TMEM132D: variants seen among roughly 807,000 people sequenced by gnomAD.
The protein encoded by TMEM132D is mature OL transmembrane protein.
In TMEM132D, 21 loss-of-function variants were observed where a neutral mutation model predicts 62.3. That is an observed-to-expected ratio of 0.34 (90% CI 0.24 to 0.49). The LOEUF (loss-of-function observed/expected upper bound fraction) is 0.49. TMEM132D is among the 20% of genes least tolerant of loss of function. The pLI is 0.99. For missense variants in TMEM132D, 1,346 were observed against 1,402.8 expected, an observed-to-expected ratio of 0.96 and a Z score of 0.65; for synonymous variants, 621 against 575.6, an observed-to-expected ratio of 1.08 and a Z score of -1.13.
chr12:129,321,311 T>A (rs539912056), intron 4 of TMEM132D, among the ~76,000 whole-genome samples: 52 of 152,336 alleles, frequency 3.4e-4, no homozygotes, highest in African/African-American at 1.2e-3. Context: ...ATGGGGTCAT[T>A]GTGACATTAT....
At chr12:129,351,354 T>G (rs147621181) in intron 3 of TMEM132D, among the ~76,000 whole-genome samples, 4 of 152,234 alleles carry the variant, frequency 2.6e-5, no homozygotes, top group African/African-American at 9.6e-5. Context: ...GCACCTACAA[T>G]CAGTATCCAG....
intron 1 of TMEM132D, among the ~76,000 whole-genome samples, chr12:129,797,453 T>C (rs1565988832): frequency 6.6e-6 from 1 of 152,218 alleles, no homozygotes; most frequent in Non-Finnish European, 1.5e-5. Context: ...CCTGCCGGGC[T>C]CAGCCTTCCC....
intron 1 of TMEM132D, among the ~76,000 whole-genome samples, chr12:129,774,570 C>A (rs1449423952): frequency 6.6e-6 from 1 of 152,062 alleles, no homozygotes; most frequent in Non-Finnish European, 1.5e-5. Flanking sequence ...AGTGAGGGAG[C>A]CAACTGTAAC....
chr12:129,422,572 T>C (rs1872358536), intron 3 of TMEM132D, among the ~76,000 whole-genome samples: 4 of 152,216 alleles, frequency 2.6e-5, no homozygotes, highest in Admixed American at 1.3e-4. Context: ...TAAATTAGTG[T>C]CTTGCCAACA....
At chr12:129,397,886 A>G (rs930584105) in intron 3 of TMEM132D, among the ~76,000 whole-genome samples, 2 of 152,204 alleles carry the variant, frequency 1.3e-5, no homozygotes, top group African/African-American at 2.4e-5. Flanking sequence ...AAAAACTCAC[A>G]GGCAGAGGCA....
chr12:129,417,664 C>T (rs1178090915), intron 3 of TMEM132D, among the ~76,000 whole-genome samples: 1 of 152,146 alleles, frequency 6.6e-6, no homozygotes, highest in African/African-American at 2.4e-5. Flanking sequence ...TACTAAAACA[C>T]CAAAAGCAAT....
intron 1 of TMEM132D, among the ~76,000 whole-genome samples, chr12:129,841,893 C>A (rs530518672): frequency 6.7e-6 from 1 of 150,326 alleles, no homozygotes; most frequent in African/African-American, 2.4e-5. Flanking sequence ...TGAGCACCTC[C>A]TAAGAGCCAG....
chr12:129,622,331 G>A (rs925570808), intron 2 of TMEM132D, among the ~76,000 whole-genome samples: 1 of 152,194 alleles, frequency 6.6e-6, no homozygotes, highest in African/African-American at 2.4e-5. Context: ...GACAGTGGGC[G>A]CGTATGGGGC....
At chr12:129,795,160 TAC>T (rs1871527327) in intron 1 of TMEM132D, among the ~76,000 whole-genome samples, 1 of 152,210 alleles carries the variant, frequency 6.6e-6, no homozygotes, top group African/African-American at 2.4e-5. Flanking sequence ...CCATTTGAAT[TAC>T]AGTTTCTTTC....
intron 5 of TMEM132D, among the ~76,000 whole-genome samples, chr12:129,208,370 G>A (rs896449830): frequency 1.3e-5 from 2 of 152,196 alleles, no homozygotes; most frequent in African/African-American, 4.8e-5. Flanking sequence ...ATTCTGGAAT[G>A]AGTAGGTAGG....
chr12:129,768,167 T>C (rs552351130), intron 1 of TMEM132D, among the ~76,000 whole-genome samples: 1 of 152,322 alleles, frequency 6.6e-6, no homozygotes, highest in South Asian at 2.1e-4. Context: ...TGAGTAATAC[T>C]GCTATAAAAT....
intron 4 of TMEM132D, among the ~76,000 whole-genome samples, chr12:129,317,093 T>C (rs1868512350): frequency 6.6e-6 from 1 of 152,132 alleles, no homozygotes; most frequent in South Asian, 2.1e-4. Flanking sequence ...ATTCTGTGGT[T>C]TTTAGTGGAG....
intron 2 of TMEM132D, among the ~76,000 whole-genome samples, chr12:129,580,400 C>T (rs1339974572): frequency 1.3e-5 from 2 of 152,170 alleles, no homozygotes; most frequent in African/African-American, 4.8e-5. Context: ...ACATGAATGT[C>T]TTGTGTTATT....
At chr12:129,343,046 C>T (rs1244549217) in intron 3 of TMEM132D, among the ~76,000 whole-genome samples, 2 of 152,134 alleles carry the variant, frequency 1.3e-5, no homozygotes, top group Admixed American at 1.3e-4. Context: ...GAACTAGAAA[C>T]ACCATTTGAC....
chr12:129,735,786 G>A (rs1022046805), intron 1 of TMEM132D, among the ~76,000 whole-genome samples: 2 of 152,154 alleles, frequency 1.3e-5, no homozygotes, highest in African/African-American at 2.4e-5. Flanking sequence ...TTGGGTGAGG[G>A]GAGGGTATCA....
chr12:129,633,324 T>C (rs760997944), intron 2 of TMEM132D, among the ~76,000 whole-genome samples: 39 of 152,278 alleles, frequency 2.6e-4, no homozygotes, highest in South Asian at 4.1e-4. Flanking sequence ...ACAAGGAGCT[T>C]TTACCTATTT....
chr12:129,315,217 G>A (rs1288582046), intron 4 of TMEM132D, among the ~76,000 whole-genome samples: 1 of 152,108 alleles, frequency 6.6e-6, no homozygotes, highest in East Asian at 1.9e-4. Flanking sequence ...TCCTTGTCTT[G>A]TTCCACTTCT....
intron 3 of TMEM132D, among the ~76,000 whole-genome samples, chr12:129,524,927 C>CT (rs372985812): frequency 4.7e-5 from 4 of 85,952 alleles, no homozygotes; most frequent in Admixed American, 3.1e-4. Context: ...TTTCTTTTTT[C>CT]TTTTTTTTTT....
chr12:129,605,629 AC>A (rs1201978919), intron 2 of TMEM132D, among the ~76,000 whole-genome samples: 1 of 131,454 alleles, frequency 7.6e-6, no homozygotes, highest in Non-Finnish European at 1.6e-5. Flanking sequence ...ATATACACAC[AC>A]ACACACACAC....
Sources: gnomAD v4.1 joint callset for allele counts (sites outside exome capture counted in the v4.1 genomes callset) on GRCh38, gnomAD v4.1.1 for gene constraint, MANE v1.5 for transcripts, NCBI Gene and HGNC (gene_info 2026-07-23, HGNC 2026-07-21) for gene names.